The following ZNF385D variants were observed in gnomAD, a reference collection of about 807,000 sequenced individuals.
ZNF385D encodes the protein zinc finger protein 385D, also known as zinc finger protein 659.
In ZNF385D, 15 loss-of-function variants were observed where a neutral mutation model predicts 35.8. The observed-to-expected ratio is 0.42, with a 90% CI of 0.28 to 0.64. The LOEUF is 0.64. ZNF385D is among the 30% of genes least tolerant of loss of function. The pLI, the probability that ZNF385D is intolerant of heterozygous loss-of-function variation, is 0.23. For synonymous variants in ZNF385D, 212 were observed against 186.8 expected, an observed-to-expected ratio of 1.13 and a Z score of -1.10; for missense variants, 474 against 494.6, an observed-to-expected ratio of 0.96 and a Z score of 0.39.
chr3:21,874,906 T>C (rs973725959), intron 3 of ZNF385D, among the ~76,000 whole-genome samples: 4 of 152,092 alleles, frequency 2.6e-5, no homozygotes, highest in African/African-American at 9.7e-5. Context: ...TAATTTCTTT[T>C]AGCAAAGCTT....
chr3:21,430,904 T>C (rs1323821845), intron 5 of ZNF385D: 1 of 152,206 alleles, frequency 6.6e-6, no homozygotes, highest in East Asian at 1.9e-4. Flanking sequence ...GTCTTATTTA[T>C]AAAAACAGTG....
chr3:21,844,168 G>A (rs761497995), intron 3 of ZNF385D, among the ~76,000 whole-genome samples: 12 of 151,928 alleles, frequency 7.9e-5, no homozygotes, highest in Non-Finnish European at 1.6e-4. Context: ...GAGGTAGACA[G>A]TACAGGACAA....
chr3:21,943,274 A>ATGTG (rs147366894), intron 3 of ZNF385D, among the ~76,000 whole-genome samples: 40 of 149,906 alleles, frequency 2.7e-4, no homozygotes, highest in African/African-American at 8.5e-4. Context: ...CTATATTTGA[A>ATGTG]TGTGTGTGTG....
rs749808335 is a variant in ZNF385D, at chr3:21,963,993, AG to A, written c.325+204823del. Among the ~76,000 whole-genome samples, 5 of 152,194 alleles carry A rather than the reference AG, an allele frequency of 3.3e-5. No homozygotes were observed. In the East Asian group the frequency reaches 7.7e-4, roughly 23 times the overall value. On this transcript the variant is annotated intron_variant, in intron 3 of 5. Coordinates refer to the ZNF385D transcript ENST00000494108. ...AATGTCATGAAGACATTAGTACAAA[AG>A]CGACTAAGTATTACATTAAATATTC...
chr3:21,812,286 C>T (rs917918494), intron 3 of ZNF385D, among the ~76,000 whole-genome samples: 12 of 152,328 alleles, frequency 7.9e-5, no homozygotes, highest in Non-Finnish European at 8.8e-5. Flanking sequence ...GCATGAGTGA[C>T]GCAGAAGATG....
At position 21,904,338 on chromosome 3, in the gene ZNF385D, C is replaced by T. The variant is rs200709764; in HGVS notation, c.326-239310G>A. On this transcript the variant is annotated intron_variant, in intron 3 of 5. Transcript: ENST00000494108. The stretch of plus-strand genomic sequence containing the variant: ...AAAAAAAAAAAGAATTGGTAAAGCT[C>T]AAGATTCAATATGCATTTTAACTAT... 2.0e-5 allele frequency among the ~76,000 whole-genome samples: 3 copies of T among 148,482 alleles called. No individual in the cohort carries two copies. The East Asian group carries it at 6.0e-4, about 30-fold the overall frequency.
intron 3 of ZNF385D, among the ~76,000 whole-genome samples, chr3:21,783,773 T>G (rs373985094): frequency 3.3e-5 from 5 of 152,286 alleles, no homozygotes. Flanking sequence ...AATAGCAGCT[T>G]CAGGCAAAGT....
At chr3:22,133,878 A>T (rs1160667931) in intron 3 of ZNF385D, 1 of 151,916 alleles carries the variant, frequency 6.6e-6, no homozygotes. Flanking sequence ...TACTAAGTGA[A>T]GGGATAATTG....
At chr3:22,299,111 C>T (rs1314432113) in intron 2 of ZNF385D, among the ~76,000 whole-genome samples, 1 of 151,820 alleles carries the variant, frequency 6.6e-6, no homozygotes, top group Non-Finnish European at 1.5e-5. Context: ...AAGTTGCTTT[C>T]AGGTTTCACT....
At chr3:21,866,442 G>A (rs1462619812) in intron 3 of ZNF385D, among the ~76,000 whole-genome samples, 1 of 152,124 alleles carries the variant, frequency 6.6e-6, no homozygotes, top group Non-Finnish European at 1.5e-5. Context: ...GGCAACAGGA[G>A]TGAAACTCCA....
chr3:21,553,591 AG>A (rs1420761621), intron 3 of ZNF385D, among the ~76,000 whole-genome samples: 1 of 152,136 alleles, frequency 6.6e-6, no homozygotes, highest in East Asian at 1.9e-4. Flanking sequence ...ACAACAGTGA[AG>A]TTTGTTGCAT....
chr3:21,504,791 A>T (rs542484158), intron 4 of ZNF385D, among the ~76,000 whole-genome samples: 1 of 152,256 alleles, frequency 6.6e-6, no homozygotes, highest in South Asian at 2.1e-4. Flanking sequence ...GGAAGAGAAG[A>T]TTGGAAAGGT....
At chr3:21,748,862 T>C (rs2069913593) in intron 1 of ZNF385D, among the ~76,000 whole-genome samples, 1 of 152,226 alleles carries the variant, frequency 6.6e-6, no homozygotes, top group South Asian at 2.1e-4. Context: ...TAGGATGCTA[T>C]TGAATTTTAA....
intron 2 of ZNF385D, among the ~76,000 whole-genome samples, chr3:21,623,788 A>G (rs1457679570): frequency 1.3e-5 from 2 of 152,100 alleles, no homozygotes; most frequent in Non-Finnish European, 2.9e-5. Context: ...TTTATAATAC[A>G]TGGCCCAATG....
chr3:21,583,319 C>G (rs1191700743), intron 2 of ZNF385D, among the ~76,000 whole-genome samples: 2 of 152,176 alleles, frequency 1.3e-5, no homozygotes, highest in African/African-American at 2.4e-5. Flanking sequence ...AGAACACTAC[C>G]TAATACATTT....
intron 4 of ZNF385D, among the ~76,000 whole-genome samples, chr3:21,505,692 C>G (rs1305136617): frequency 6.6e-6 from 1 of 152,136 alleles, no homozygotes; most frequent in East Asian, 1.9e-4. Context: ...TGGCCATGGA[C>G]TGGTTCTGGC....
At chr3:21,711,038 A>ATTTT (rs562190313) in intron 1 of ZNF385D, among the ~76,000 whole-genome samples, 1 of 55,826 alleles carries the variant, frequency 1.8e-5, no homozygotes. Context: ...TCCCTCTAAA[A>ATTTT]GTTTTTTTTT....
intron 3 of ZNF385D, among the ~76,000 whole-genome samples, chr3:22,113,341 G>C (rs372171995): frequency 6.6e-6 from 1 of 152,032 alleles, no homozygotes; most frequent in East Asian, 1.9e-4. Context: ...AAAGGTTCCA[G>C]TACCTAAAAA....
Position 22,255,225 on chromosome 3 carries a change from T to A in ZNF385D, c.107-86190A>T, listed in dbSNP as rs1384654595. 3.3e-5 allele frequency among the ~76,000 whole-genome samples: 5 copies of A among 151,740 alleles called. No individual in the cohort carries two copies. In the East Asian group the frequency reaches 9.7e-4, roughly 29 times the overall value. ...AAGAAAAAAACTTTGTAATCACCAA[T>A]ATCTTGAGGAAAATTCATGTTGACA... On this transcript the variant is annotated intron_variant, in intron 2 of 5. Coordinates refer to the ZNF385D transcript ENST00000494108.
Sources: gnomAD v4.1 joint callset for allele counts (sites outside exome capture counted in the v4.1 genomes callset) on GRCh38, gnomAD v4.1.1 for gene constraint, MANE v1.5 for transcripts, NCBI Gene and HGNC (gene_info 2026-07-23, HGNC 2026-07-21) for gene names.